The following GCA variants were observed in gnomAD, a reference collection of about 807,000 sequenced individuals.
GCA encodes the protein grancalcin.
GCA carries 30 observed loss-of-function variants against 32.6 expected under a neutral mutation model. That is an observed-to-expected ratio of 0.92 (90% CI 0.69 to 1.25). The LOEUF (loss-of-function observed/expected upper bound fraction) is 1.25, where lower values mean the gene tolerates loss of function less well. Ranked by LOEUF, GCA falls within the 50% of genes most tolerant of loss-of-function variation. GCA has a pLI of 0.00. For missense variants in GCA, 291 were observed against 266.8 expected (o/e 1.09, Z -0.63); for synonymous variants, 102 against 84.6 (o/e 1.21, Z -1.13).
chr2:162,323,336 A>C (rs1048025123), intron 1 of GCA, among the ~76,000 whole-genome samples: 1 of 151,586 alleles, frequency 6.6e-6, no homozygotes, highest in Non-Finnish European at 1.5e-5. Context: ...AGGTTGCGAA[A>C]ATTTTCTCCC....
downstream of GCA, chr2:162,373,406 G>T (rs1047314038): frequency 5.1e-6 from 6 of 1,169,252 alleles, no homozygotes; most frequent in Non-Finnish European, 6.9e-6. Flanking sequence ...AAGTGATTCT[G>T]ATTAGGTGAC....
chr2:162,356,464 A>C lies in GCA; in HGVS notation c.289A>C (p.Met97Leu), dbSNP rs762216281. Residue 97 changes from methionine (M) to leucine (L), a missense_variant, in exon 4 of 8, where the codon ATG becomes CTG. Coordinates refer to ENST00000437150, the MANE Select transcript of GCA (RefSeq NM_012198.5). ...CTTCAGTTTGGAAACCTGCAGAATT[A>C]TGATTGCCATGTTGGATGTATCCTT... ...SPFSLETCRI[M>L]IAMLDRDHTG... 6.4e-7 allele frequency: 1 copy of C among 1,572,530 alleles called. No individual in the cohort carries two copies. Among genetic ancestry groups the C allele is most frequent in the South Asian group, 1.1e-5 (1 of 90,024 alleles).
At chr2:162,364,301 TTAAA>T (rs1001619050), downstream of GCA, among the ~76,000 whole-genome samples, 36 of 151,668 alleles carry the variant, frequency 2.4e-4, 1 homozygote, top group Admixed American at 3.3e-4. Context: ...AACATACTTA[TTAAA>T]TATTCATTTT....
intron 1 of GCA, among the ~76,000 whole-genome samples, chr2:162,333,656 A>G (rs1684170219): frequency 6.6e-6 from 1 of 152,200 alleles, no homozygotes; most frequent in South Asian, 2.1e-4. Flanking sequence ...TTATTTTGAT[A>G]CTACAAATAA....
exon 1 of GCA, chr2:162,319,138 TGGA>T (rs2105240673): frequency 2.2e-6 from 1 of 456,728 alleles, no homozygotes; most frequent in East Asian, 6.9e-5. Flanking sequence ...TGCAGAGATG[TGGA>T]GAAGACAGGA....
chr2:162,320,398 T>G (rs1343539807), intron 1 of GCA, among the ~76,000 whole-genome samples: 3 of 152,226 alleles, frequency 2.0e-5, no homozygotes, highest in African/African-American at 7.2e-5. Flanking sequence ...ATCCCCCAGC[T>G]GCCAGTGGGT....
downstream of GCA, among the ~76,000 whole-genome samples, chr2:162,363,826 T>C (rs1281063762): frequency 1.3e-5 from 2 of 151,652 alleles, no homozygotes; most frequent in East Asian, 1.9e-4. Context: ...GTTGGTAATA[T>C]GCAGCTTTGT....
intron 3 of GCA, among the ~76,000 whole-genome samples, chr2:162,353,813 G>A (rs553495994): frequency 9.9e-5 from 15 of 152,038 alleles, no homozygotes; most frequent in South Asian, 2.1e-4. Flanking sequence ...GATGTAGGAC[G>A]TTTTCTTCAA....
At chr2:162,341,284 T>TATATATAC (rs1684439755), upstream of GCA, among the ~76,000 whole-genome samples, 2 of 144,604 alleles carry the variant, frequency 1.4e-5, 1 homozygote, top group South Asian at 4.3e-4. Context: ...TATATATATA[T>TATATATAC]ATATATATAT....
At chr2:162,350,713 A>C (rs1180817603) in intron 2 of GCA, among the ~76,000 whole-genome samples, 2 of 152,170 alleles carry the variant, frequency 1.3e-5, no homozygotes, top group Admixed American at 1.3e-4. Context: ...CTATGTTTGA[A>C]CTATTTGATA....
chr2:162,355,842 T>C (rs1685241916), intron 3 of GCA, among the ~76,000 whole-genome samples: 1 of 151,950 alleles, frequency 6.6e-6, no homozygotes, highest in South Asian at 2.1e-4. Flanking sequence ...CTTACCTATT[T>C]CCAATATCAT....
rs370519197 is a variant in GCA at position 162,359,102 on chromosome 2, C to T, written c.513C>T (p.Gly171=). Residue 171 remains glycine (G), a synonymous_variant, in exon 6 of 8, where the codon GGC becomes GGT. Coordinates refer to ENST00000437150, the MANE Select transcript of GCA (RefSeq NM_012198.5). ...TTGTTAAACGTTATAGCAAGAATGG[C>T]AGAATTTTCTTTGATGATTATGTTG... The part of the protein sequence containing the change: ...TTIVKRYSKN[G]RIFFDDYVAC... 2 of 1,606,834 alleles carry T rather than the reference C, an allele frequency of 1.2e-6. No individual in the cohort carries two copies. The highest frequency in any genetic ancestry group is 1.7e-6 in the Non-Finnish European group (2 of 1,174,906).
intron 4 of GCA, among the ~76,000 whole-genome samples, chr2:162,368,718 G>A (rs1399608000): frequency 6.6e-6 from 1 of 152,034 alleles, no homozygotes; most frequent in East Asian, 1.9e-4. Context: ...GACTAGAAGA[G>A]TAGGATAGTT....
At chr2:162,359,360 T>G in intron 6 of GCA, 134 bp from the exon 7 acceptor site, 1 of 591,806 alleles carries the variant, frequency 1.7e-6, no homozygotes. Context: ...TTCTCATATC[T>G]CTGTTGCCAG....
chr2:162,321,557 T>G (rs1481235250), intron 1 of GCA, among the ~76,000 whole-genome samples: 1 of 152,090 alleles, frequency 6.6e-6, no homozygotes, highest in Non-Finnish European at 1.5e-5. Context: ...ATTTAAAGTG[T>G]TAGATGCTCT....
chr2:162,324,592 A>G (rs1486927086), intron 1 of GCA, among the ~76,000 whole-genome samples: 1 of 152,046 alleles, frequency 6.6e-6, no homozygotes, highest in Non-Finnish European at 1.5e-5. Flanking sequence ...TTTTATAGGT[A>G]CAGGATGGGG....
chr2:162,351,551 G>A (rs915486536), intron 2 of GCA, among the ~76,000 whole-genome samples: 2 of 152,134 alleles, frequency 1.3e-5, no homozygotes, highest in Non-Finnish European at 2.9e-5. Context: ...ATTAGAATGT[G>A]AGTGTTAATA....
Position 162,361,914 on chromosome 2 carries a change from CGTTACTGA to C in GCA, c.*1672_*1679del. 1.0e-6 allele frequency: 1 copy of C among 984,456 alleles called. No homozygotes were observed. The highest frequency in any genetic ancestry group is 1.2e-6 in the Non-Finnish European group (1 of 829,306). 61.0% of individuals were successfully genotyped at this position (984,456 alleles called of 1,614,324 possible). ...TTAACATCCAGGTTATACAGATGGT[CGTTACTGA>C]ACTATTCTGCGGTCGATTATGATTA... On this transcript the variant is annotated 3_prime_UTR_variant, in exon 8 of 8. Transcript: ENST00000437150.
At chr2:162,353,514 G>A (rs1308592150) in intron 3 of GCA, among the ~76,000 whole-genome samples, 3 of 152,134 alleles carry the variant, frequency 2.0e-5, no homozygotes, top group Non-Finnish European at 4.4e-5. Context: ...GAGAGCTTAT[G>A]TATCTAAAAA....
Sources: allele counts gnomAD v4.1 joint callset (sites outside exome capture counted in the v4.1 genomes callset), GRCh38; gene constraint gnomAD v4.1.1; transcripts MANE v1.5; gene names NCBI Gene and HGNC (gene_info 2026-07-23, HGNC 2026-07-21).